Variants in C4orf50 observed in about 807,000 individuals in gnomAD.
The protein encoded by C4orf50 is uncharacterized protein C4orf50.
In C4orf50, 80 loss-of-function variants were observed where a neutral mutation model predicts 77.2. The ratio of observed to expected loss-of-function variants is 1.04; its 90% CI spans 0.87 to 1.25. The LOEUF is 1.25. Among genes scored for constraint, C4orf50 ranks in the 50% most tolerant of loss-of-function variants. The pLI is 0.00. For missense variants in C4orf50, 1,257 were observed against 1,152.9 expected (o/e 1.09, Z -1.31); for synonymous variants, 532 against 465.3 (o/e 1.14, Z -1.84).
At chr4:5,945,823 A>C (rs1718456384) in intron 7 of C4orf50, among the ~76,000 whole-genome samples, 1 of 152,084 alleles carries the variant, frequency 6.6e-6, no homozygotes, top group East Asian at 1.9e-4. Context: ...GTGTTTTCTC[A>C]CACTCGGCTG....
At chr4:6,016,665 A>C (rs1161501218) in intron 23 of C4orf50, among the ~76,000 whole-genome samples, 1 of 152,172 alleles carries the variant, frequency 6.6e-6, no homozygotes, top group Non-Finnish European at 1.5e-5. Context: ...GTGCTTTGTC[A>C]TGGCAACCCA....
chr4:6,004,253 G>GTGATGGTGATGGTGA lies in C4orf50; in HGVS notation c.963+3742_963+3743insTCACCATCACCATCA, dbSNP rs1333013848. ...GATGGTGATGATGATGGTGATGATG[G>GTGATGGTGATGGTGA]TGATGGTGATGGTGGTGATGGTGAT... is the stretch of plus-strand genomic sequence containing the variant. On this transcript the variant is annotated intron_variant, in intron 25 of 33. Transcript: ENST00000531445. Among the ~76,000 whole-genome samples the GTGATGGTGATGGTGA allele has an allele frequency of 4.6e-3, 194 of 42,314 alleles. 4 individuals are homozygous for GTGATGGTGATGGTGA. Among genetic ancestry groups the GTGATGGTGATGGTGA allele is most frequent in the Middle Eastern group, 0.016 (1 of 64 alleles). 27.8% of individuals were successfully genotyped at this position (42,314 alleles called of 152,430 possible). A position where few individuals can be genotyped will look rare whatever the true frequency, so the allele number is the denominator to read the frequency against.
intron 7 of C4orf50, among the ~76,000 whole-genome samples, chr4:5,935,295 G>A (rs1420476484): frequency 6.6e-6 from 1 of 152,214 alleles, no homozygotes; most frequent in Non-Finnish European, 1.5e-5. Flanking sequence ...AAGGTCCTTG[G>A]AGGGCTACGC....
At position 5,932,720 on chromosome 4, in the gene C4orf50, G is replaced by A. The variant is rs1258683177; in HGVS notation, c.*2474+24181C>T. ...GCCTCCCAAAGTGCTGAGATAACAGGTGTGAGTCACTGCACCCACATTACA... is the reference window on the plus strand; with the variant it reads ...GCCTCCCAAAGTGCTGAGATAACAGATGTGAGTCACTGCACCCACATTACA... On this transcript the variant is annotated intron_variant, in intron 7 of 7. Coordinates refer to the C4orf50 transcript ENST00000324058. This position sits in a 1 kb window ranked among gnomAD's most constrained non-coding sequence, Gnocchi z 4.2. Among the ~76,000 whole-genome samples the A allele has an allele frequency of 6.6e-6, 1 of 152,166 alleles. No individual in the cohort carries two copies. Among genetic ancestry groups the A allele is most frequent in the African/African-American group, 2.4e-5 (1 of 41,422 alleles).
At chr4:5,957,166 CT>C (rs1236233410) in exon 34 of C4orf50, 1 of 152,254 alleles carries the variant, frequency 6.6e-6, no homozygotes, top group Non-Finnish European at 1.5e-5. Flanking sequence ...CAAAGGTCGT[CT>C]TGGCTTGCTT....
intron 7 of C4orf50, among the ~76,000 whole-genome samples, chr4:5,914,378 T>C (rs192412016): frequency 0.03 from 4,607 of 151,934 alleles, 223 homozygotes; most frequent in African/African-American, 0.1. Flanking sequence ...CTAATTTTTT[T>C]TATTTTTAGT....
At position 6,007,595 on chromosome 4, in the gene C4orf50, T is replaced by C. The variant is rs1360960301; in HGVS notation, c.963+401A>G. The stretch of plus-strand genomic sequence containing the variant: ...TAAAAGCCCAAACAGATTTCAACAA[T>C]GGGAAAACAAGTGGTTTAGTAAGTG... On this transcript the variant is annotated intron_variant, in intron 25 of 33. Coordinates refer to ENST00000531445, the Ensembl canonical transcript of C4orf50. This position sits in a 1 kb window ranked among gnomAD's most constrained non-coding sequence, Gnocchi z 4.1. 4.6e-5 allele frequency among the ~76,000 whole-genome samples: 7 copies of C among 152,090 alleles called. No individual in the cohort carries two copies. Among genetic ancestry groups the C allele is most frequent in the African/African-American group, 1.7e-4 (7 of 41,380 alleles).
intron 7 of C4orf50, among the ~76,000 whole-genome samples, chr4:5,938,180 G>C (rs1478341387): frequency 6.6e-6 from 1 of 152,186 alleles, no homozygotes; most frequent in Non-Finnish European, 1.5e-5. Context: ...CTTGGAAATA[G>C]AGCAAGCCTT....
chr4:5,959,663 C>T lies in C4orf50; in HGVS notation c.4276-37G>A, dbSNP rs1255496457. Reference sequence around the variant, plus strand: ...AGGACAATGAAATGGTCTCTGCGTCCACATGTTTGTAAAAGCCCCTCCATT... The same window carrying T: ...AGGACAATGAAATGGTCTCTGCGTCTACATGTTTGTAAAAGCCCCTCCATT... On this transcript the variant is annotated intron_variant, in intron 33 of 33. Coordinates refer to ENST00000531445, the Ensembl canonical transcript of C4orf50. 1.9e-6 allele frequency: 3 copies of T among 1,579,698 alleles called. No homozygotes were observed. The South Asian group carries it at 3.5e-5, about 18-fold the overall frequency.
rs1722494236 is a variant in C4orf50, at chr4:6,011,548, G to A, written c.426+282C>T. On this transcript the variant is annotated intron_variant, in intron 24 of 33. Transcript: ENST00000531445. This position sits in a 1 kb window ranked among gnomAD's most constrained non-coding sequence, Gnocchi z 4.2. Reference sequence around the variant, plus strand: ...ATCTGCATAAGAGCTCCGGACCCCAGGAGCCCTGCATCAGCCAACTCCTGT... The same window carrying A: ...ATCTGCATAAGAGCTCCGGACCCCAAGAGCCCTGCATCAGCCAACTCCTGT... Among the ~76,000 whole-genome samples the A allele has an allele frequency of 6.6e-6, 1 of 152,110 alleles. No individual in the cohort carries two copies. Among genetic ancestry groups the A allele is most frequent in the Middle Eastern group, 3.2e-3 (1 of 316 alleles).
At chr4:5,915,096 C>G (rs1716975861) in intron 7 of C4orf50, among the ~76,000 whole-genome samples, 1 of 152,160 alleles carries the variant, frequency 6.6e-6, no homozygotes, top group Admixed American at 6.5e-5. Flanking sequence ...TCCAGTTCAA[C>G]TCTCCTCCTA....
intron 25 of C4orf50, among the ~76,000 whole-genome samples, chr4:6,004,335 GGTGATGGTGATGATGACGGTGA>G (rs1722115774): frequency 5.1e-5 from 5 of 97,852 alleles, no homozygotes; most frequent in African/African-American, 2.2e-4. Flanking sequence ...TGGTGATGAT[GGTGATGGTGATGATGACGGTGA>G]TGGTGATGAT....
At chr4:5,971,358 T>G (rs930705008) in intron 31 of C4orf50, among the ~76,000 whole-genome samples, 16 of 152,216 alleles carry the variant, frequency 1.1e-4, no homozygotes, top group African/African-American at 3.9e-4. Flanking sequence ...GGAATCAAGA[T>G]GCAGACACCC....
rs562183407 is a variant in C4orf50, at chr4:5,970,229, G to A, written c.4105-2767C>T. Among the ~76,000 whole-genome samples the A allele has an allele frequency of 3.8e-4, 58 of 151,982 alleles. No homozygotes were observed. The highest frequency in any genetic ancestry group is 6.2e-4 in the Non-Finnish European group (42 of 68,004). On this transcript the variant is annotated intron_variant, in intron 31 of 33. Coordinates refer to ENST00000531445, the Ensembl canonical transcript of C4orf50. This position sits in a 1 kb window ranked among gnomAD's most constrained non-coding sequence, Gnocchi z 4.3. Reference sequence around the variant, plus strand: ...AAACAGGCCCAGGAAGGTGCCCTGAGCCCTGCTCACTCAAGGCGTCCAGGG... The same window carrying A: ...AAACAGGCCCAGGAAGGTGCCCTGAACCCTGCTCACTCAAGGCGTCCAGGG...
chr4:5,945,588 A>C (rs565571398), intron 7 of C4orf50, among the ~76,000 whole-genome samples: 56 of 152,126 alleles, frequency 3.7e-4, no homozygotes, highest in Non-Finnish European at 6.9e-4. Context: ...ATCTCTTCCA[A>C]GGCCTTCACC....
At chr4:5,984,305 TGAA>T (rs1169793809) in intron 28 of C4orf50, among the ~76,000 whole-genome samples, 45 of 152,298 alleles carry the variant, frequency 3.0e-4, no homozygotes, top group African/African-American at 1.1e-3. Context: ...TTCCTAGACA[TGAA>T]GAAGCAGAAA....
chr4:5,964,895 T>G, intron 33 of C4orf50, 129 bp downstream of exon 11: 14 of 712,914 alleles, frequency 2.0e-5, no homozygotes, highest in East Asian at 2.9e-5. Flanking sequence ...GAGTCGATTG[T>G]GTTCTATTTC....
In C4orf50 at chr4:5,970,068, G is replaced by A. The variant is rs1037227079; in HGVS notation, c.4105-2606C>T. Among the ~76,000 whole-genome samples, 4 of 151,690 alleles carry A rather than the reference G, an allele frequency of 2.6e-5. No homozygotes were observed. Among genetic ancestry groups the A allele is most frequent in the Admixed American group, 6.6e-5 (1 of 15,218 alleles). ...GGTCTCAGGGACGGGGAAAGGGGACGATGTAACTGAATACAAACAGCAAAG... is the reference window on the plus strand; with the variant it reads ...GGTCTCAGGGACGGGGAAAGGGGACAATGTAACTGAATACAAACAGCAAAG... On this transcript the variant is annotated intron_variant, in intron 31 of 33. Transcript: ENST00000531445. The surrounding 1 kb of genome is among the most constrained non-coding windows in gnomAD (Gnocchi z 4.3).
intron 7 of C4orf50, chr4:5,904,715 T>A (rs1384987397): frequency 6.6e-6 from 1 of 152,222 alleles, no homozygotes; most frequent in Non-Finnish European, 1.5e-5. Flanking sequence ...ATGAAATCCA[T>A]GCTCCTTCTC....
Sources: allele counts gnomAD v4.1 joint callset (sites outside exome capture counted in the v4.1 genomes callset), GRCh38; gene constraint gnomAD v4.1.1; non-coding constraint Gnocchi (gnomAD v3.1); transcripts MANE v1.5; gene names NCBI Gene and HGNC (gene_info 2026-07-23, HGNC 2026-07-21).